CFAP221: variants seen among roughly 807,000 people sequenced by gnomAD.
CFAP221 encodes cilia- and flagella-associated protein 221.
CFAP221 carries 97 observed loss-of-function variants against 113.1 expected under a neutral mutation model. The observed-to-expected ratio is 0.86, with a 90% CI of 0.73 to 1.02. The LOEUF is 1.02. CFAP221 is among the 50% of genes least tolerant of loss of function. The pLI is 0.00. For missense variants in CFAP221, 1,025 were observed against 1,013.4 expected, an observed-to-expected ratio of 1.01 and a Z score of -0.16; for synonymous variants, 331 against 354.4, an observed-to-expected ratio of 0.93 and a Z score of 0.74.
intron 13 of CFAP221, among the ~76,000 whole-genome samples, chr2:119,612,583 A>T (rs1685252931): frequency 6.6e-6 from 1 of 152,202 alleles, no homozygotes; most frequent in Non-Finnish European, 1.5e-5. Context: ...ACTACAATTC[A>T]AGATGAGATT....
chr2:119,568,074 C>A (rs945735793), intron 6 of CFAP221, among the ~76,000 whole-genome samples: 3 of 151,980 alleles, frequency 2.0e-5, no homozygotes, highest in Admixed American at 6.6e-5. Flanking sequence ...GCAAAATAAT[C>A]CTAATTTCTT....
chr2:119,639,028 A>G (rs1438302452), intron 20 of CFAP221, among the ~76,000 whole-genome samples: 1 of 151,764 alleles, frequency 6.6e-6, no homozygotes, highest in African/African-American at 2.4e-5. Context: ...GTTACCCATG[A>G]GATCCTTTCC....
intron 22 of CFAP221, chr2:119,648,697 G>A (rs1421309941): frequency 6.5e-6 from 1 of 154,754 alleles, no homozygotes; most frequent in African/African-American, 2.4e-5. Flanking sequence ...AATCACCAGA[G>A]CGTTTTTAGA....
intron 6 of CFAP221, among the ~76,000 whole-genome samples, chr2:119,573,868 A>G (rs2104577235): frequency 6.6e-6 from 1 of 152,326 alleles, no homozygotes; most frequent in East Asian, 1.9e-4. Flanking sequence ...AAAATCATCC[A>G]ACCTCTAAAC....
At chr2:119,571,556 A>G (rs1156319954) in intron 6 of CFAP221, among the ~76,000 whole-genome samples, 1 of 152,102 alleles carries the variant, frequency 6.6e-6, no homozygotes, top group Admixed American at 6.6e-5. Flanking sequence ...TCAGGCTCAA[A>G]CAATCCTCCC....
intron 2 of CFAP221, among the ~76,000 whole-genome samples, chr2:119,546,522 A>G (rs1304368479): frequency 6.6e-6 from 1 of 151,928 alleles, no homozygotes; most frequent in Non-Finnish European, 1.5e-5. Flanking sequence ...TGCTCCCCTT[A>G]TCTTGTTTCT....
Position 119,630,578 on chromosome 2 carries a change from A to C in CFAP221, c.1740A>C (p.Gln580His). The change falls in exon 18 of 24, where the codon CAA (glutamine) becomes CAC (histidine). Residue 580 changes from glutamine to histidine, a missense_variant. Coordinates refer to ENST00000413369, the MANE Select transcript of CFAP221 (RefSeq NM_001271049.2). The part of the protein sequence containing the change: ...SYSFFNLQVP[Q>H]LYKIKRYQPF... ...TCTTCTTTCACCTTCAGGTTCCTCA[A>C]CTGTACAAAATTAAGAGATATCAGC... The C allele has an allele frequency of 6.2e-7, 1 of 1,608,492 alleles. No individual in the cohort carries two copies.
chr2:119,605,115 G>C, intron 10 of CFAP221, 66 bp from the exon 11 acceptor site: 7 of 1,503,480 alleles, frequency 4.7e-6, no homozygotes, highest in Non-Finnish European at 6.5e-6. Context: ...TTAGAAATGT[G>C]TTTTTCTCTC....
intron 7 of CFAP221, among the ~76,000 whole-genome samples, chr2:119,598,841 A>G (rs1684174110): frequency 6.6e-6 from 1 of 152,240 alleles, no homozygotes; most frequent in Non-Finnish European, 1.5e-5. Context: ...GCAGCACTTA[A>G]AAATAAATCA....
chr2:119,587,081 AAAT>A lies in CFAP221; in HGVS notation c.528-33_528-31del, dbSNP rs1431575751. 10 of 1,420,788 alleles carry A rather than the reference AAAT, an allele frequency of 7.0e-6. No homozygotes were observed. In the African/African-American group the frequency reaches 7.2e-5, roughly 10 times the overall value. The allele number at this position is 1,420,788 out of a possible 1,614,324, so 88.0% of individuals were successfully genotyped here. A position where few individuals can be genotyped will look rare whatever the true frequency, so the allele number is the denominator to read the frequency against. On this transcript the variant is annotated intron_variant, in intron 6 of 23. Coordinates refer to ENST00000413369, the MANE Select transcript of CFAP221 (RefSeq NM_001271049.2). The stretch of plus-strand genomic sequence containing the variant: ...TACCAAAAGAACCAGTTATAAAGAA[AAAT>A]AATATTTTTATTTTCTTTTTTGTTT...
At chr2:119,602,082 T>C (rs1459531009) in intron 8 of CFAP221, among the ~76,000 whole-genome samples, 2 of 152,158 alleles carry the variant, frequency 1.3e-5, no homozygotes, top group African/African-American at 4.8e-5. Context: ...AAGATTTTTA[T>C]ATAAACGTTA....
In CFAP221 at chr2:119,594,242, A is replaced by ATTT. The variant is rs571436967; in HGVS notation, c.632-6966_632-6964dup. Among the ~76,000 whole-genome samples, 7 of 144,990 alleles carry ATTT rather than the reference A, an allele frequency of 4.8e-5. 1 individual carries two copies. Among genetic ancestry groups the ATTT allele is most frequent in the African/African-American group, 1.8e-4 (7 of 39,636 alleles). ...TGAGGTTGTCCTCTTTTTCATGTGTATTTTTTTTTTTTGAAACAGAGTCTT... is the reference window on the plus strand; with the variant it reads ...TGAGGTTGTCCTCTTTTTCATGTGTATTTTTTTTTTTTTTTGAAACAGAGTCTT... On this transcript the variant is annotated intron_variant, in intron 7 of 23. Coordinates refer to ENST00000413369, the MANE Select transcript of CFAP221 (RefSeq NM_001271049.2).
chr2:119,616,382 G>C (rs1211247407), intron 14 of CFAP221, among the ~76,000 whole-genome samples: 1 of 152,108 alleles, frequency 6.6e-6, no homozygotes, highest in African/African-American at 2.4e-5. Context: ...TTCACCTTTT[G>C]GCTATTATGA....
At chr2:119,601,905 A>G (rs1224619215) in intron 8 of CFAP221, among the ~76,000 whole-genome samples, 1 of 152,228 alleles carries the variant, frequency 6.6e-6, no homozygotes, top group Non-Finnish European at 1.5e-5. Flanking sequence ...AAAACACGGG[A>G]GGTTTTCAAA....
At chr2:119,619,698 A>G (rs1275568436) in intron 14 of CFAP221, among the ~76,000 whole-genome samples, 1 of 152,188 alleles carries the variant, frequency 6.6e-6, no homozygotes, top group Non-Finnish European at 1.5e-5. Flanking sequence ...AAGGATCACA[A>G]TTCCTCGACA....
intron 7 of CFAP221, among the ~76,000 whole-genome samples, chr2:119,595,656 A>G (rs531955137): frequency 1.7e-4 from 26 of 152,250 alleles, no homozygotes; most frequent in South Asian, 1.5e-3. Flanking sequence ...AGAGAGCAAG[A>G]CAGACCTGGT....
rs1004011956 is a variant in CFAP221, at chr2:119,601,362, C to A, written c.776C>A (p.Pro259His). 6.5e-7 allele frequency: 1 copy of A among 1,528,704 alleles called. No homozygotes were observed. Among genetic ancestry groups the A allele is most frequent in the Middle Eastern group, 1.7e-4 (1 of 5,960 alleles). The allele number at this position is 1,528,704 out of a possible 1,614,324, so 94.7% of individuals were successfully genotyped here. ...YECVFTGTCY[P>H]NMALPLEEFE... is the part of the protein sequence containing the mutation. ...TGTGTCTTCACCGGAACATGCTATCCCAACATGGCCTTACCGTATGGCGTC... is the reference window on the plus strand; with the variant it reads ...TGTGTCTTCACCGGAACATGCTATCACAACATGGCCTTACCGTATGGCGTC... Residue 259 changes from proline (P) to histidine (H), a missense_variant, in exon 8 of 24, where the codon CCC becomes CAC. Pro to His is a moderately conservative substitution (Grantham distance 77). Coordinates refer to ENST00000413369, the MANE Select transcript of CFAP221 (RefSeq NM_001271049.2).
chr2:119,570,468 C>A (rs1250666993), intron 6 of CFAP221, among the ~76,000 whole-genome samples: 1 of 152,164 alleles, frequency 6.6e-6, no homozygotes, highest in Admixed American at 6.5e-5. Context: ...TCACCACATG[C>A]AAGTTTAGAA....
chr2:119,602,559 A>C (rs1684438712), intron 8 of CFAP221: 2 of 932,024 alleles, frequency 2.1e-6, no homozygotes, highest in Non-Finnish European at 2.6e-6. Flanking sequence ...CAAAATATGA[A>C]CTCACTCCAT....
Sources: gnomAD v4.1 joint callset for allele counts (sites outside exome capture counted in the v4.1 genomes callset) on GRCh38, gnomAD v4.1.1 for gene constraint, MANE v1.5 for transcripts, NCBI Gene and HGNC (gene_info 2026-07-23, HGNC 2026-07-21) for gene names.